Variants in SLC38A4 observed in about 807,000 individuals in gnomAD.
SLC38A4 encodes the protein sodium-coupled neutral amino acid transporter 4.
A neutral mutation model predicts 63.1 loss-of-function variants in SLC38A4; 20 were observed. The observed-to-expected ratio is 0.32, with a 90% CI of 0.22 to 0.46. The LOEUF (loss-of-function observed/expected upper bound fraction) is 0.46, where lower values mean the gene tolerates loss of function less well. Among genes scored for constraint, SLC38A4 ranks in the 20% least tolerant of loss-of-function variants. The pLI, the probability that SLC38A4 is intolerant of heterozygous loss-of-function variation, is 1.00. For synonymous variants in SLC38A4, 230 were observed against 225.5 expected (o/e 1.02, Z -0.18); for missense variants, 526 against 663.6 (o/e 0.79, Z 2.28).
At chr12:46,825,874 A>G (rs1239924349) in intron 1 of SLC38A4, 29 bp downstream of exon 1, 1 of 152,350 alleles carries the variant, frequency 6.6e-6, no homozygotes, top group African/African-American at 2.4e-5. Flanking sequence ...CCCTCTAACC[A>G]AGTTGCCACG....
At chr12:46,799,870 A>G in intron 2 of SLC38A4, among the ~76,000 whole-genome samples, 1 of 152,176 alleles carries the variant, frequency 6.6e-6, no homozygotes, top group East Asian at 1.9e-4. Flanking sequence ...GAGGATGAAT[A>G]AAACAGACTC....
chr12:46,799,231 A>G (rs1275835840), intron 2 of SLC38A4, among the ~76,000 whole-genome samples: 2 of 152,178 alleles, frequency 1.3e-5, no homozygotes, highest in Non-Finnish European at 2.9e-5. Context: ...AACTCTCACA[A>G]ACATTGTGAG....
At chr12:46,789,809 G>T (rs959799787) in intron 3 of SLC38A4, among the ~76,000 whole-genome samples, 3 of 152,178 alleles carry the variant, frequency 2.0e-5, no homozygotes, top group Non-Finnish European at 4.4e-5. Flanking sequence ...AGGCACAGTG[G>T]CTCACGCCTG....
chr12:46,806,250 C>A (rs1384126263), intron 1 of SLC38A4, among the ~76,000 whole-genome samples: 2 of 151,954 alleles, frequency 1.3e-5, no homozygotes, highest in Non-Finnish European at 2.9e-5. Context: ...CAGTGAGAAT[C>A]ATTCTGGCTC....
At chr12:46,792,603 G>T (rs1486332312) in intron 3 of SLC38A4, among the ~76,000 whole-genome samples, 1 of 152,072 alleles carries the variant, frequency 6.6e-6, no homozygotes, top group Non-Finnish European at 1.5e-5. Context: ...GAGTGAGCTT[G>T]CCCAGAGGAT....
At position 46,779,684 on chromosome 12, in the gene SLC38A4, A is replaced by C; in HGVS notation, c.659-15T>G. ...GCCAAGATAACCTAGAAGTTAGAAG[A>C]AGCATTTTGGAAGGTGAATATGGCA... On this transcript the variant is annotated splice_polypyrimidine_tract_variant and intron_variant, in intron 9 of 16. Transcript: ENST00000266579. The C allele has an allele frequency of 6.2e-7, 1 of 1,601,484 alleles. No homozygotes were observed. The highest frequency in any genetic ancestry group is 1.3e-5 in the African/African-American group (1 of 74,086).
chr12:46,776,332 T>G (rs1248230336), intron 13 of SLC38A4, among the ~76,000 whole-genome samples: 3 of 152,004 alleles, frequency 2.0e-5, no homozygotes, highest in Non-Finnish European at 4.4e-5. Context: ...GTGGCCATAG[T>G]CACTTTTTTT....
intron 1 of SLC38A4, among the ~76,000 whole-genome samples, chr12:46,813,367 C>T (rs1939376886): frequency 6.6e-6 from 1 of 151,862 alleles, no homozygotes; most frequent in South Asian, 2.1e-4. Context: ...CCTCTAAGTT[C>T]GTTATTGTTT....
intron 2 of SLC38A4, among the ~76,000 whole-genome samples, chr12:46,795,000 AG>A (rs1938973697): frequency 1.3e-5 from 2 of 152,082 alleles, no homozygotes; most frequent in African/African-American, 4.8e-5. Flanking sequence ...GAAAAAAAAA[AG>A]AAACTCACTA....
At chr12:46,770,441 T>C (rs1938394003) in intron 14 of SLC38A4, among the ~76,000 whole-genome samples, 1 of 152,100 alleles carries the variant, frequency 6.6e-6, no homozygotes, top group Admixed American at 6.6e-5. Flanking sequence ...TTCCTCAGAC[T>C]TTCTAGCTTA....
rs1431067630 is a variant in SLC38A4, at chr12:46,793,056, G to T, written c.16C>A (p.Leu6Met). 1 of 1,612,728 alleles carries T rather than the reference G, an allele frequency of 6.2e-7. No homozygotes were observed. The highest frequency in any genetic ancestry group is 8.5e-7 in the Non-Finnish European group (1 of 1,179,138). Reference protein sequence around the residue: MDPMELRNVNIEPDDE... With the variant: MDPMEMRNVNIEPDDE... ...TCTGGTTCGATGTTGACATTTCTCA[G>T]TTCCATGGGATCCATTTGAGCTGTC... The change falls in exon 3 of 17, where the codon CTG becomes ATG. Residue 6 changes from leucine to methionine, a missense_variant. Transcript: ENST00000266579.
chr12:46,817,111 T>TA (rs952091538), intron 1 of SLC38A4, among the ~76,000 whole-genome samples: 20 of 151,074 alleles, frequency 1.3e-4, no homozygotes, highest in South Asian at 1.0e-3. Context: ...CAAATAAAAG[T>TA]AAAAAAAAAT....
chr12:46,778,276 A>G lies in SLC38A4; in HGVS notation c.1073+13T>C, dbSNP rs758284986. The stretch of plus-strand genomic sequence containing the variant: ...CAAAGCAAATTAGAATGCTAAAATG[A>G]TGGCTGCCTTACTCTTTAAGTTCAC... On this transcript the variant is annotated intron_variant, in intron 12 of 16. Transcript: ENST00000266579. The G allele has an allele frequency of 6.8e-6, 11 of 1,610,832 alleles. No individual in the cohort carries two copies. The highest frequency in any genetic ancestry group is 9.3e-6 in the Non-Finnish European group (11 of 1,178,068).
At chr12:46,821,105 G>T (rs1018252232) in intron 1 of SLC38A4, among the ~76,000 whole-genome samples, 1 of 151,870 alleles carries the variant, frequency 6.6e-6, no homozygotes, top group African/African-American at 2.4e-5. Context: ...CTCCCATTCC[G>T]CAGGTTGCCT....
intron 5 of SLC38A4, among the ~76,000 whole-genome samples, chr12:46,785,826 C>T (rs949024242): frequency 1.3e-4 from 17 of 133,984 alleles, no homozygotes; most frequent in African/African-American, 2.0e-4. Context: ...TATGTTTATA[C>T]GGATTGGTAT....
intron 14 of SLC38A4, 40 bp downstream of exon 14, chr12:46,775,009 G>A (rs777943715): frequency 6.2e-6 from 10 of 1,603,716 alleles, no homozygotes; most frequent in Middle Eastern, 1.7e-4. Context: ...TAATTTATGG[G>A]GTCAAGTAGG....
intron 4 of SLC38A4, 93 bp downstream of exon 4, chr12:46,788,435 G>T: frequency 9.7e-7 from 1 of 1,028,134 alleles, no homozygotes; most frequent in Non-Finnish European, 1.5e-6. Context: ...ATCAAGGCTT[G>T]GAAAATTTCA....
At chr12:46,774,126 T>C (rs1938476291) in intron 14 of SLC38A4, among the ~76,000 whole-genome samples, 1 of 152,018 alleles carries the variant, frequency 6.6e-6, no homozygotes, top group Non-Finnish European at 1.5e-5. Flanking sequence ...ACCATAGTAG[T>C]ACGGATCTGA....
intron 1 of SLC38A4, among the ~76,000 whole-genome samples, chr12:46,818,669 C>T (rs1939486037): frequency 1.3e-5 from 2 of 151,864 alleles, no homozygotes; most frequent in African/African-American, 4.8e-5. Flanking sequence ...CCCCCTCTCC[C>T]ATTATTTTAA....
Sources: allele counts gnomAD v4.1 joint callset (sites outside exome capture counted in the v4.1 genomes callset), GRCh38; gene constraint gnomAD v4.1.1; transcripts MANE v1.5; gene names NCBI Gene and HGNC (gene_info 2026-07-23, HGNC 2026-07-21).